Variants in GALNT13 observed in about 807,000 individuals in gnomAD.
GALNT13 encodes UDP-GalNAc:polypeptide N-acetylgalactosaminyltransferase 13.
A neutral mutation model predicts 64.2 loss-of-function variants in GALNT13; 28 were observed. The ratio of observed to expected loss-of-function variants is 0.44; its 90% CI spans 0.32 to 0.60. The LOEUF is 0.60. GALNT13 is among the 20% of genes least tolerant of loss of function. The probability of loss-of-function intolerance (pLI) is 0.05; values close to 1 mark genes in which losing one functional copy is unlikely to be tolerated. For synonymous variants in GALNT13, 214 were observed against 224.6 expected (o/e 0.95, Z 0.42); for missense variants, 577 against 669.8 (o/e 0.86, Z 1.53).
At chr2:153,430,529 A>G in the GALNT13 span, among the ~76,000 whole-genome samples, 8 of 24,894 alleles carry the variant, frequency 3.2e-4, no homozygotes, top group East Asian at 2.0e-3. Context: ...GTAGGTAGGG[A>G]GAGAGAGAGA....
At chr2:154,086,183 T>C (rs949963365) in intron 3 of GALNT13, among the ~76,000 whole-genome samples, 12 of 148,220 alleles carry the variant, frequency 8.1e-5, no homozygotes, top group Non-Finnish European at 1.5e-4. Context: ...TTACATATAA[T>C]ATGTATAACA....
chr2:153,115,433 A>T, the GALNT13 span, among the ~76,000 whole-genome samples: 1 of 152,246 alleles, frequency 6.6e-6, no homozygotes, highest in African/African-American at 2.4e-5. Flanking sequence ...TGGTTTTATT[A>T]TGTGAAGACC....
the GALNT13 span, among the ~76,000 whole-genome samples, chr2:153,208,973 C>CTTTTTTTTT: frequency 8.3e-3 from 623 of 74,678 alleles, 68 homozygotes; most frequent in Non-Finnish European, 9.5e-3. Flanking sequence ...TGGTTTTGGT[C>CTTTTTTTTT]TTTTTTTTTT....
intron 3 of GALNT13, among the ~76,000 whole-genome samples, chr2:154,071,644 G>A (rs1195630699): frequency 6.6e-6 from 1 of 152,128 alleles, no homozygotes; most frequent in Non-Finnish European, 1.5e-5. Context: ...TGTGTTTGCT[G>A]TAATTCACGG....
upstream of GALNT13, among the ~76,000 whole-genome samples, chr2:153,871,183 GGTGT>G (rs777459862): frequency 6.6e-6 from 1 of 152,068 alleles, no homozygotes; most frequent in Non-Finnish European, 1.5e-5. Flanking sequence ...CTTCGGAGTG[GGTGT>G]GTGTTTAATA....
chr2:153,268,894 C>A, the GALNT13 span, among the ~76,000 whole-genome samples: 1 of 152,186 alleles, frequency 6.6e-6, no homozygotes, highest in Non-Finnish European at 1.5e-5. Flanking sequence ...TGGCTGGAAC[C>A]CAAGGCACCA....
intron 4 of GALNT13, among the ~76,000 whole-genome samples, chr2:154,146,685 CAGG>C (rs1255839605): frequency 3.9e-5 from 6 of 152,128 alleles, no homozygotes; most frequent in South Asian, 2.1e-4. Context: ...ACTCTCATAC[CAGG>C]AGGAGAAGAG....
chr2:153,755,793 TC>T, the GALNT13 span, among the ~76,000 whole-genome samples: 1 of 152,148 alleles, frequency 6.6e-6, no homozygotes, highest in Non-Finnish European at 1.5e-5. Flanking sequence ...AATATCTCCT[TC>T]AACATACTTA....
intron 1 of GALNT13, among the ~76,000 whole-genome samples, chr2:153,879,379 T>TGTGTGTGC (rs890280449): frequency 4.6e-5 from 7 of 150,592 alleles, no homozygotes; most frequent in African/African-American, 1.7e-4. Context: ...TGTGTGTGTG[T>TGTGTGTGC]GTGCATGTGT....
At chr2:153,608,160 C>T in the GALNT13 span, among the ~76,000 whole-genome samples, 1 of 152,124 alleles carries the variant, frequency 6.6e-6, no homozygotes, top group African/African-American at 2.4e-5. Context: ...TGACAACTCC[C>T]TGCAGAGGAG....
the GALNT13 span, among the ~76,000 whole-genome samples, chr2:153,856,271 T>A: frequency 6.6e-6 from 1 of 152,112 alleles, no homozygotes; most frequent in Non-Finnish European, 1.5e-5. Flanking sequence ...GAAATACAGA[T>A]GACTGGTAGG....
rs143845746 is a variant in GALNT13, at chr2:154,443,481, T to G, written c.1530+4755T>G. ...TACAAATTTATACTTATTTTGTATA[T>G]GATTATATGTAATAACATAATTGAT... On this transcript the variant is annotated intron_variant, in intron 12 of 12. Coordinates refer to ENST00000392825, the MANE Select transcript of GALNT13 (RefSeq NM_052917.4). Among the ~76,000 whole-genome samples the G allele has an allele frequency of 6.6e-3, 1,009 of 152,216 alleles. 6 individuals are homozygous for G. Among genetic ancestry groups the G allele is most frequent in the Middle Eastern group, 0.02 (6 of 294 alleles).
the GALNT13 span, among the ~76,000 whole-genome samples, chr2:153,345,681 TTCTTTCTTTCTTTCTTTCTTTC>T: frequency 5.6e-5 from 8 of 144,058 alleles, no homozygotes; most frequent in East Asian, 1.4e-3. Flanking sequence ...CTTTCTTTCT[TTCTTTCTTTCTTTCTTTCTTTC>T]TCTTTCTCTC....
the GALNT13 span, among the ~76,000 whole-genome samples, chr2:153,446,268 G>C: frequency 1.3e-5 from 2 of 152,158 alleles, no homozygotes; most frequent in Non-Finnish European, 2.9e-5. Flanking sequence ...TTGGAACCAG[G>C]TGAAATAAAT....
chr2:153,571,810 T>C, the GALNT13 span, among the ~76,000 whole-genome samples: 1 of 151,988 alleles, frequency 6.6e-6, no homozygotes. Flanking sequence ...TTTGGTCATG[T>C]TGAATGTTCT....
At chr2:153,492,444 G>C in the GALNT13 span, among the ~76,000 whole-genome samples, 1 of 152,198 alleles carries the variant, frequency 6.6e-6, no homozygotes. Context: ...CAACTTTAGA[G>C]TTGCTGCTTT....
chr2:153,482,106 T>A, the GALNT13 span, among the ~76,000 whole-genome samples: 2 of 152,244 alleles, frequency 1.3e-5, no homozygotes, highest in African/African-American at 4.8e-5. Context: ...CCTAAGCTCA[T>A]ATATTTCACC....
At position 154,409,455 on chromosome 2, in the gene GALNT13, C is replaced by T. The variant is rs367690248; in HGVS notation, c.1395+373C>T. ...ATGGTTATTTTTATCCATCTCTTTT[C>T]AGATTTTTATGTATGTTATGATTTT... On this transcript the variant is annotated intron_variant, in intron 11 of 12. Transcript: ENST00000392825. 39 of 227,396 alleles carry T rather than the reference C, an allele frequency of 1.7e-4. No individual in the cohort carries two copies. In the East Asian group the frequency reaches 4.5e-3, roughly 26 times the overall value. 14.1% of individuals were successfully genotyped at this position (227,396 alleles called of 1,614,324 possible).
At chr2:153,076,139 C>T in the GALNT13 span, among the ~76,000 whole-genome samples, 182 of 152,058 alleles carry the variant, frequency 1.2e-3, 3 homozygotes, top group African/African-American at 4.2e-3. Flanking sequence ...ATAAGGTGCT[C>T]GGTGAAAGGC....
Sources: gnomAD v4.1 joint callset for allele counts (sites outside exome capture counted in the v4.1 genomes callset) on GRCh38, gnomAD v4.1.1 for gene constraint, MANE v1.5 for transcripts, NCBI Gene and HGNC (gene_info 2026-07-23, HGNC 2026-07-21) for gene names.